Variants in DRAM1 observed in about 807,000 individuals in gnomAD.
The protein encoded by DRAM1 is DNA damage-regulated autophagy modulator protein 1.
Under a neutral mutation model 28.5 loss-of-function variants are expected in DRAM1, and 25 were observed. That is an observed-to-expected ratio of 0.88 (90% CI 0.64 to 1.23). DRAM1 has a LOEUF of 1.23. DRAM1 is among the 50% of genes most tolerant of loss of function. The pLI is 0.00. For missense variants in DRAM1, 249 were observed against 299.2 expected (o/e 0.83, Z 1.24); for synonymous variants, 113 against 114.2 (o/e 0.99, Z 0.07).
intron 3 of DRAM1, 58 bp from the exon 4 acceptor site, chr12:101,908,128 G>A: frequency 6.9e-7 from 1 of 1,458,700 alleles, no homozygotes; most frequent in Non-Finnish European, 9.3e-7. Flanking sequence ...GAGAGTGCTT[G>A]CGGTTCGATG....
At chr12:101,919,704 AC>A (rs1463337977) in intron 5 of DRAM1, among the ~76,000 whole-genome samples, 1 of 152,238 alleles carries the variant, frequency 6.6e-6, no homozygotes, top group Non-Finnish European at 1.5e-5. Context: ...CTTTGGAACA[AC>A]TGCGAGAGTG....
At chr12:101,917,924 A>C (rs10860819) in intron 5 of DRAM1, among the ~76,000 whole-genome samples, 40,520 of 152,026 alleles carry the variant, frequency 0.27, 5,875 homozygotes, top group African/African-American at 0.38. Flanking sequence ...CACTCGGGGG[A>C]GACCTTCTAT....
At chr12:101,913,631 A>G in intron 4 of DRAM1, among the ~76,000 whole-genome samples, 1 of 144,268 alleles carries the variant, frequency 6.9e-6, no homozygotes. Context: ...GCTTGAACCC[A>G]GGAGGTGGAG....
In DRAM1 at chr12:101,922,054, T is replaced by C. The variant is rs1039023271; in HGVS notation, c.*794T>C. 1 of 152,190 alleles carries C rather than the reference T, an allele frequency of 6.6e-6. No individual in the cohort carries two copies. The highest frequency in any genetic ancestry group is 2.4e-5 in the African/African-American group (1 of 41,446). The allele number at this position is 152,190 out of a possible 1,614,324, so 9.4% of individuals were successfully genotyped here. On this transcript the variant is annotated 3_prime_UTR_variant, in exon 7 of 7. Coordinates refer to ENST00000258534, the MANE Select transcript of DRAM1 (RefSeq NM_018370.3). ...GTTGCTGGCACAACTTGATATATAG[T>C]CTGACTCAGAACTGAAGCTCACATC...
intron 3 of DRAM1, among the ~76,000 whole-genome samples, chr12:101,905,775 T>TTATTTATTTATG (rs1434012892): frequency 6.7e-6 from 1 of 150,340 alleles, no homozygotes. Flanking sequence ...ATTTATTTAT[T>TTATTTATTTATG]TATTTATTTA....
chr12:101,888,984 G>A (rs1223082014), intron 1 of DRAM1, among the ~76,000 whole-genome samples: 1 of 151,502 alleles, frequency 6.6e-6, no homozygotes, highest in Non-Finnish European at 1.5e-5. Context: ...TTGTGTTTTT[G>A]TAGAGACGGG....
chr12:101,889,520 G>GAAGGAAGGAAGAA (rs1873021545), intron 1 of DRAM1, among the ~76,000 whole-genome samples: 2 of 149,640 alleles, frequency 1.3e-5, no homozygotes, highest in African/African-American at 2.4e-5. Context: ...GGAAGGAAAG[G>GAAGGAAGGAAGAA]AAGGAAGGAA....
At chr12:101,918,010 A>G (rs985672772) in intron 5 of DRAM1, among the ~76,000 whole-genome samples, 1 of 152,326 alleles carries the variant, frequency 6.6e-6, no homozygotes, top group South Asian at 2.1e-4. Context: ...TCCACTTTCT[A>G]TCTTAAAAAT....
At position 101,921,225 on chromosome 12, in the gene DRAM1, C is replaced by G. The variant is rs1356005559; in HGVS notation, c.682C>G (p.Leu228Val). The change falls in exon 7 of 7, where the codon CTA becomes GTA. Residue 228 changes from leucine (L) to valine (V), a missense_variant. Leu to Val is a conservative substitution (Grantham distance 32). This residue lies in a region of DRAM1 where 16 missense variants were observed against 16.2 expected (regional missense o/e 0.99). Transcript: ENST00000258534. Reference sequence around the variant, plus strand: ...TCATTTTTAAAAATAGAGTGTCACCCTAAGGATATCCACAGAAATCAATGG... The same window carrying G: ...TCATTTTTAAAAATAGAGTGTCACCGTAAGGATATCCACAGAAATCAATGG... ...TFIQDFQSVT[L>V]RISTEINGDI The G allele has an allele frequency of 1.2e-6, 2 of 1,604,012 alleles. No individual in the cohort carries two copies. The highest frequency in any genetic ancestry group is 1.7e-6 in the Non-Finnish European group (2 of 1,170,974).
chr12:101,895,186 G>GTTTTTTTTTTTTTTGGTTTTTT (rs1873301395), intron 1 of DRAM1, among the ~76,000 whole-genome samples: 1 of 75,720 alleles, frequency 1.3e-5, no homozygotes. Flanking sequence ...AACCCTTCAG[G>GTTTTTTTTTTTTTTGGTTTTTT]TTTTTTTTTT....
chr12:101,890,368 C>T (rs1873066488), intron 1 of DRAM1: 1 of 181,130 alleles, frequency 5.5e-6, no homozygotes, highest in Non-Finnish European at 1.0e-5. Flanking sequence ...GTGAGAACCA[C>T]CGAGCCCGGC....
intron 1 of DRAM1, among the ~76,000 whole-genome samples, chr12:101,897,637 A>G (rs937147340): frequency 2.6e-5 from 4 of 151,900 alleles, no homozygotes; most frequent in Non-Finnish European, 2.9e-5. Flanking sequence ...CATTTTAAAC[A>G]TTTTCTGGCT....
At position 101,909,020 on chromosome 12, in the gene DRAM1, G is replaced by C. The variant is rs553334349; in HGVS notation, c.520+657G>C. 2.6e-5 allele frequency among the ~76,000 whole-genome samples: 4 copies of C among 151,926 alleles called. No homozygotes were observed. The South Asian group carries it at 8.3e-4, about 32-fold the overall frequency. ...CTCACGCCTGTAATCCCAGCACTTT[G>C]GGAGGCTCAGGTGGGTGGATCACCT... On this transcript the variant is annotated intron_variant, in intron 4 of 6. Coordinates refer to ENST00000258534, the MANE Select transcript of DRAM1 (RefSeq NM_018370.3).
At chr12:101,904,444 T>G (rs1269180943) in intron 3 of DRAM1, among the ~76,000 whole-genome samples, 12 of 87,464 alleles carry the variant, frequency 1.4e-4, no homozygotes, top group Non-Finnish European at 1.9e-4. Context: ...TTTTTTTTTT[T>G]TTTTTTTTTT....
At chr12:101,904,676 C>T (rs1341192882) in intron 3 of DRAM1, among the ~76,000 whole-genome samples, 3 of 151,688 alleles carry the variant, frequency 2.0e-5, no homozygotes, top group East Asian at 3.9e-4. Flanking sequence ...CTCCTGACCT[C>T]GTGATCCACC....
chr12:101,884,116 G>C (rs1346147744), intron 1 of DRAM1, among the ~76,000 whole-genome samples: 1 of 151,452 alleles, frequency 6.6e-6, no homozygotes, highest in Admixed American at 6.6e-5. Flanking sequence ...CTCGGGTGTG[G>C]TGCCTTATGC....
chr12:101,894,507 C>T (rs1873272971), intron 1 of DRAM1, among the ~76,000 whole-genome samples: 1 of 152,204 alleles, frequency 6.6e-6, no homozygotes, highest in Admixed American at 6.5e-5. Context: ...CCTCCTCGGC[C>T]TCCCAAAATG....
intron 3 of DRAM1, among the ~76,000 whole-genome samples, chr12:101,903,127 C>T (rs1484055619): frequency 1.3e-5 from 2 of 152,136 alleles, no homozygotes; most frequent in East Asian, 3.9e-4. Context: ...CCATGTTGGC[C>T]AGGCTGGTCT....
intron 3 of DRAM1, among the ~76,000 whole-genome samples, chr12:101,907,873 G>A (rs1873883101): frequency 1.3e-5 from 2 of 152,164 alleles, no homozygotes; most frequent in African/African-American, 4.8e-5. Flanking sequence ...AGGTCACAGA[G>A]CCTCATGGTG....
Sources: gnomAD v4.1 joint callset for allele counts (sites outside exome capture counted in the v4.1 genomes callset) on GRCh38, gnomAD v4.1.1 for gene constraint, gnomAD v4.1.1 regional missense constraint, MANE v1.5 for transcripts, NCBI Gene and HGNC (gene_info 2026-07-23, HGNC 2026-07-21) for gene names.